The following ATG2B variants were observed in gnomAD, a reference collection of about 807,000 sequenced individuals.
The protein encoded by ATG2B is autophagy related 2B, also known as autophagy-related protein 2 homolog B.
In ATG2B, 121 loss-of-function variants were observed where a neutral mutation model predicts 241.3. The ratio of observed to expected loss-of-function variants is 0.50; its 90% CI spans 0.43 to 0.58. The LOEUF (loss-of-function observed/expected upper bound fraction) is 0.58, where lower values mean the gene tolerates loss of function less well. ATG2B is among the 20% of genes least tolerant of loss of function. The probability of loss-of-function intolerance (pLI) is 0.00; values close to 1 mark genes in which losing one functional copy is unlikely to be tolerated. For missense variants in ATG2B, 2,306 were observed against 2,491.6 expected (o/e 0.93, Z 1.59); for synonymous variants, 858 against 876.6 (o/e 0.98, Z 0.37).
Position 96,333,674 on chromosome 14 carries a change from T to C in ATG2B, c.1207+14A>G. On this transcript the variant is annotated intron_variant, in intron 8 of 41. Coordinates refer to ENST00000359933, the MANE Select transcript of ATG2B (RefSeq NM_018036.7). ...TAATATATGATTCTGGTGTCAACAG[T>C]TTGAGTTGCTTACCACGGCTAGAAG... is the stretch of plus-strand genomic sequence containing the variant. 1 of 1,609,236 alleles carries C rather than the reference T, an allele frequency of 6.2e-7. No individual in the cohort carries two copies. Among genetic ancestry groups the C allele is most frequent in the Non-Finnish European group, 8.5e-7 (1 of 1,177,768 alleles).
rs1237875226 is a variant in ATG2B, at chr14:96,363,005, G to A, written c.-29C>T. 3 of 1,611,562 alleles carry A rather than the reference G, an allele frequency of 1.9e-6. No homozygotes were observed. Among genetic ancestry groups the A allele is most frequent in the Non-Finnish European group, 2.5e-6 (3 of 1,179,274 alleles). On this transcript the variant is annotated 5_prime_UTR_variant, in exon 1 of 42. Transcript: ENST00000359933. ...GACTGCTGGCAGCTGGGCTGACTGC[G>A]GCTGCGGGTTGCGACGGCTCCGGCC... is the stretch of plus-strand genomic sequence containing the variant.
At position 96,303,391 on chromosome 14, in the gene ATG2B, A is replaced by C. The variant is rs182274813; in HGVS notation, c.4843-136T>G. The C allele has an allele frequency of 3.9e-4, 238 of 605,826 alleles. 3 individuals carry two copies. In the East Asian group the frequency reaches 7.2e-3, roughly 18 times the overall value. The allele number at this position is 605,826 out of a possible 1,614,324, so 37.5% of individuals were successfully genotyped here. On this transcript the variant is annotated intron_variant, in intron 32 of 41. Coordinates refer to ENST00000359933, the MANE Select transcript of ATG2B (RefSeq NM_018036.7). The stretch of plus-strand genomic sequence containing the variant: ...TCAGCTTACAATTCCACCTTCAAAA[A>C]ACTCAACAACATGACATTCCTTCAC...
chr14:96,289,817 T>C lies in ATG2B; in HGVS notation c.5857-12A>G. ...GTCTCTGCAGCTGCCTGGATCATTT[T>C]GTCAAAAGGAAGAAATGAATTAGAA... On this transcript the variant is annotated splice_polypyrimidine_tract_variant and intron_variant, in intron 40 of 41. Coordinates refer to ENST00000359933, the MANE Select transcript of ATG2B (RefSeq NM_018036.7). The surrounding 1 kb of genome is among the most constrained non-coding windows in gnomAD (Gnocchi z 4.3). 5 of 1,613,652 alleles carry C rather than the reference T, an allele frequency of 3.1e-6. No individual in the cohort carries two copies. Among genetic ancestry groups the C allele is most frequent in the Non-Finnish European group, 4.2e-6 (5 of 1,179,742 alleles).
At chr14:96,312,598 T>TA (rs1887191547) in intron 25 of ATG2B, among the ~76,000 whole-genome samples, 1 of 151,922 alleles carries the variant, frequency 6.6e-6, no homozygotes, top group Non-Finnish European at 1.5e-5. Context: ...ACTTTTTTTT[T>TA]AATCAGCCAG....
At chr14:96,287,404 C>A (rs1258246108) in intron 41 of ATG2B, among the ~76,000 whole-genome samples, 1 of 152,182 alleles carries the variant, frequency 6.6e-6, no homozygotes, top group Non-Finnish European at 1.5e-5. Context: ...ATCTCCCTCC[C>A]CTCTCCACCA....
At chr14:96,343,042 A>G in intron 5 of ATG2B, 77 bp downstream of exon 5, 1 of 1,154,562 alleles carries the variant, frequency 8.7e-7, no homozygotes. Flanking sequence ...TATACATCCT[A>G]GCAAAATTTA....
intron 41 of ATG2B, 86 bp from the exon 42 acceptor site, chr14:96,286,071 T>C: frequency 1.0e-6 from 1 of 977,660 alleles, no homozygotes; most frequent in Non-Finnish European, 1.5e-6. Flanking sequence ...CAGTACACAC[T>C]TTTAAAGCAG....
At chr14:96,352,188 C>T (rs543255487) in intron 1 of ATG2B, among the ~76,000 whole-genome samples, 1 of 152,264 alleles carries the variant, frequency 6.6e-6, no homozygotes, top group South Asian at 2.1e-4. Flanking sequence ...CAATGTAGCA[C>T]AACACATTAC....
intron 32 of ATG2B, 67 bp from the exon 33 acceptor site, chr14:96,303,322 C>T (rs889697504): frequency 1.2e-5 from 15 of 1,275,952 alleles, no homozygotes; most frequent in Non-Finnish European, 1.5e-5. Flanking sequence ...TGTATTTTCT[C>T]TTTAAAATGC....
intron 38 of ATG2B, 87 bp downstream of exon 38, chr14:96,291,513 T>C (rs867120168): frequency 4.4e-6 from 4 of 909,040 alleles, no homozygotes; most frequent in Non-Finnish European, 5.2e-6. Flanking sequence ...AAATTGTGTA[T>C]GCATGCTAAG....
At chr14:96,340,778 C>G (rs1282315580) in intron 6 of ATG2B, among the ~76,000 whole-genome samples, 1 of 151,804 alleles carries the variant, frequency 6.6e-6, no homozygotes, top group Admixed American at 6.6e-5. Context: ...ATTAGCCAGG[C>G]ATGGTGGCAT....
rs750126391 is a variant in ATG2B at position 96,290,881 on chromosome 14, G to A, written c.5634C>T (p.Asp1878=). ...FSYAITEWLN[D]IKKNQLPGIL... is the part of the protein sequence containing the mutation. ...TTCCTGGTAGCTGGTTCTTCTTAAT[G>A]TCATTAAGCCACTCAGTGATTGCAT... The change falls in exon 39 of 42, where the codon GAC becomes GAT. Residue 1878 remains aspartate (D), a synonymous_variant. Coordinates refer to ENST00000359933, the MANE Select transcript of ATG2B (RefSeq NM_018036.7). The surrounding 1 kb of genome is among the most constrained non-coding windows in gnomAD (Gnocchi z 4.4). 6.2e-7 allele frequency: 1 copy of A among 1,613,656 alleles called. No homozygotes were observed. The highest frequency in any genetic ancestry group is 8.5e-7 in the Non-Finnish European group (1 of 1,179,754).
chr14:96,324,202 T>A lies in ATG2B; in HGVS notation c.2438-204A>T, dbSNP rs961594800. On this transcript the variant is annotated intron_variant, in intron 15 of 41. Coordinates refer to ENST00000359933, the MANE Select transcript of ATG2B (RefSeq NM_018036.7). Reference sequence around the variant, plus strand: ...TTCTGTTTTGTGTTCAAACTCAAATTCTTAAGTACCAAGGTACACTGCATA... The same window carrying A: ...TTCTGTTTTGTGTTCAAACTCAAATACTTAAGTACCAAGGTACACTGCATA... 5 of 535,420 alleles carry A rather than the reference T, an allele frequency of 9.3e-6. No homozygotes were observed. In the Admixed American group the frequency reaches 1.9e-4, roughly 20 times the overall value. The allele number at this position is 535,420 out of a possible 1,614,324, so 33.2% of individuals were successfully genotyped here. A position where few individuals can be genotyped will look rare whatever the true frequency, so the allele number is the denominator to read the frequency against.
intron 1 of ATG2B, among the ~76,000 whole-genome samples, chr14:96,356,248 G>A (rs1007764963): frequency 6.6e-6 from 1 of 151,740 alleles, no homozygotes; most frequent in Non-Finnish European, 1.5e-5. Context: ...ACACTAGAGT[G>A]TACTATTTTA....
rs755327877 is a variant in ATG2B, at chr14:96,341,515, C to T, written c.924+7G>A. On this transcript the variant is annotated splice_region_variant and intron_variant, in intron 6 of 41. Coordinates refer to ENST00000359933, the MANE Select transcript of ATG2B (RefSeq NM_018036.7). ...GTTTTACTACAGAAAGTGAAACAAACACTGACCTTAGCTCCAGGAAGCACT... is the reference window on the plus strand; with the variant it reads ...GTTTTACTACAGAAAGTGAAACAAATACTGACCTTAGCTCCAGGAAGCACT... 6.4e-7 allele frequency: 1 copy of T among 1,561,646 alleles called. No individual in the cohort carries two copies. The highest frequency in any genetic ancestry group is 1.9e-5 in the Admixed American group (1 of 52,730).
chr14:96,304,428 G>A, intron 32 of ATG2B, 67 bp downstream of exon 32: 1 of 1,183,690 alleles, frequency 8.4e-7, no homozygotes, highest in Non-Finnish European at 1.3e-6. Flanking sequence ...TACGTGGTGG[G>A]GGATAACAAA....
intron 1 of ATG2B, among the ~76,000 whole-genome samples, chr14:96,348,651 G>A (rs1215298429): frequency 2.7e-5 from 4 of 148,116 alleles, no homozygotes; most frequent in African/African-American, 5.0e-5. Flanking sequence ...CAGCCTGGGC[G>A]ACAGGGGACT....
intron 14 of ATG2B, 78 bp downstream of exon 14, chr14:96,328,265 ATACT>A (rs1887635514): frequency 2.1e-6 from 2 of 944,310 alleles, no homozygotes; most frequent in Non-Finnish European, 3.1e-6. Flanking sequence ...TCTATTAAAA[ATACT>A]TAAGTTCAGA....
chr14:96,340,122 T>TATATATATCATATATGATATATATGA (rs1241870753), intron 6 of ATG2B, among the ~76,000 whole-genome samples: 1 of 14,384 alleles, frequency 7.0e-5, no homozygotes, highest in Non-Finnish European at 1.5e-4. Flanking sequence ...TATATATGAA[T>TATATATATCATATATGATATATATGA]ATATATATCA....
Sources: allele counts gnomAD v4.1 joint callset (sites outside exome capture counted in the v4.1 genomes callset), GRCh38; gene constraint gnomAD v4.1.1; non-coding constraint Gnocchi (gnomAD v3.1); transcripts MANE v1.5; gene names NCBI Gene and HGNC (gene_info 2026-07-23, HGNC 2026-07-21).